The following NPRL3 variants were observed in gnomAD, a reference collection of about 807,000 sequenced individuals.
NPRL3 encodes NPR3 like, GATOR1 complex subunit.
A neutral mutation model predicts 57.2 loss-of-function variants in NPRL3; 23 were observed. The ratio of observed to expected loss-of-function variants is 0.40; its 90% CI spans 0.29 to 0.57. NPRL3 has a LOEUF of 0.57. Among genes scored for constraint, NPRL3 ranks in the 20% least tolerant of loss-of-function variants. The probability of loss-of-function intolerance (pLI) is 0.42; values close to 1 mark genes in which losing one functional copy is unlikely to be tolerated. For missense variants in NPRL3, 691 were observed against 767.1 expected (o/e 0.90, Z 1.17); for synonymous variants, 333 against 321.1 (o/e 1.04, Z -0.39).
rs953001376 is a variant in NPRL3 at position 111,455 on chromosome 16, TA to T, written c.548-850del. 2.0e-5 allele frequency among the ~76,000 whole-genome samples: 3 copies of T among 151,862 alleles called. 1 individual carries two copies. Among genetic ancestry groups the T allele is most frequent in the South Asian group, 4.1e-4 (2 of 4,824 alleles). ...AAAATTTATTTTATTTTTATTTATT[TA>T]TTTTTTTTTTGAGACAGGGTCTCAC... On this transcript the variant is annotated intron_variant, in intron 6 of 13. Transcript: ENST00000611875.
intron 1 of NPRL3, 131 bp downstream of exon 1, chr16:138,505 AGGGGTG>A (rs1901243760): frequency 3.4e-4 from 1 of 2,924 alleles, no homozygotes; most frequent in African/African-American, 2.0e-3. Flanking sequence ...TGAGGAGGGC[AGGGGTG>A]GAGGCGGAGG....
At chr16:100,605 T>A in intron 7 of NPRL3, 96 bp from the exon 8 acceptor site, 1 of 1,203,384 alleles carries the variant, frequency 8.3e-7, no homozygotes, top group Non-Finnish European at 1.1e-6. Context: ...ATTCCCCTGC[T>A]GCTTAGGGGA....
intron 6 of NPRL3, among the ~76,000 whole-genome samples, chr16:111,244 C>T (rs1899796067): frequency 6.6e-6 from 1 of 151,548 alleles, no homozygotes; most frequent in African/African-American, 2.4e-5. Flanking sequence ...ACTAAAAATA[C>T]AAAAAATTAG....
chr16:102,045 A>G (rs1458885775), intron 7 of NPRL3, among the ~76,000 whole-genome samples: 1 of 152,212 alleles, frequency 6.6e-6, no homozygotes, highest in Non-Finnish European at 1.5e-5. Flanking sequence ...TCCTGAATGA[A>G]GCCAAGGAAC....
chr16:91,466 A>T (rs931746965), intron 11 of NPRL3, among the ~76,000 whole-genome samples: 7 of 152,250 alleles, frequency 4.6e-5, no homozygotes, highest in Non-Finnish European at 7.3e-5. Context: ...CAAGGCCTGG[A>T]GCAACCACTC....
intron 12 of NPRL3, chr16:89,204 C>A: frequency 2.7e-6 from 1 of 375,910 alleles, no homozygotes; most frequent in South Asian, 4.9e-5. Context: ...GAGGACAAAG[C>A]ACCCTGGGCA....
intron 5 of NPRL3, among the ~76,000 whole-genome samples, chr16:113,936 G>C (rs540829291): frequency 6.6e-6 from 1 of 152,312 alleles, no homozygotes; most frequent in African/African-American, 2.4e-5. Flanking sequence ...GCCAGAGAAA[G>C]GACTGTTGCT....
chr16:110,693 G>A (rs1466546026), intron 6 of NPRL3, 87 bp from the exon 7 acceptor site: 19 of 1,057,046 alleles, frequency 1.8e-5, no homozygotes, highest in South Asian at 1.1e-4. Context: ...GATTACAGGC[G>A]CCCGCCACCA....
At chr16:130,458 TG>T in intron 3 of NPRL3, 63 bp downstream of exon 3, 1 of 1,464,030 alleles carries the variant, frequency 6.8e-7, no homozygotes, top group Non-Finnish European at 9.3e-7. Context: ...AATAGGAGGG[TG>T]GGGCTTTGCC....
intron 7 of NPRL3, among the ~76,000 whole-genome samples, chr16:103,234 C>T (rs953360433): frequency 2.0e-5 from 3 of 149,642 alleles, no homozygotes; most frequent in East Asian, 2.0e-4. Flanking sequence ...CTTGATCTCC[C>T]AGGCTCAAGA....
At chr16:128,767 CAA>C (rs907319487) in intron 3 of NPRL3, among the ~76,000 whole-genome samples, 1 of 140,348 alleles carries the variant, frequency 7.1e-6, no homozygotes. Context: ...GACTCCGTCT[CAA>C]AAAAAAAAAA....
At chr16:97,566 C>T (rs1444251571) in intron 9 of NPRL3, among the ~76,000 whole-genome samples, 2 of 152,060 alleles carry the variant, frequency 1.3e-5, no homozygotes, top group East Asian at 1.9e-4. Context: ...GATCCGCAGA[C>T]GAGGCTGAGG....
At chr16:106,405 G>T (rs1337454791) in intron 7 of NPRL3, among the ~76,000 whole-genome samples, 1 of 152,070 alleles carries the variant, frequency 6.6e-6, no homozygotes, top group Non-Finnish European at 1.5e-5. Context: ...GGCTAAGGTG[G>T]GTAGATTGCT....
intron 13 of NPRL3, among the ~76,000 whole-genome samples, chr16:87,621 G>A (rs879154685): frequency 2.0e-5 from 3 of 148,136 alleles, no homozygotes; most frequent in Non-Finnish European, 3.0e-5. Flanking sequence ...TGCAACTCCC[G>A]CCTTCCCGCC....
At chr16:92,927 C>T in intron 10 of NPRL3, 1 of 651,310 alleles carries the variant, frequency 1.5e-6, no homozygotes, top group East Asian at 2.7e-5. Flanking sequence ...GAGCCATGGG[C>T]ACAGTTCATC....
At chr16:106,526 C>A (rs1183980990) in intron 7 of NPRL3, among the ~76,000 whole-genome samples, 5 of 148,354 alleles carry the variant, frequency 3.4e-5, no homozygotes, top group Non-Finnish European at 7.4e-5. Flanking sequence ...CCCAGCTACT[C>A]GGGAGGCCGA....
chr16:105,450 C>A (rs1426249221), intron 7 of NPRL3, among the ~76,000 whole-genome samples: 6 of 152,118 alleles, frequency 3.9e-5, no homozygotes, highest in Admixed American at 3.9e-4. Flanking sequence ...AAACAGCCTA[C>A]CTTGAAATTT....
chr16:131,343 G>T (rs1027009748), intron 2 of NPRL3, among the ~76,000 whole-genome samples: 2 of 149,474 alleles, frequency 1.3e-5, no homozygotes, highest in East Asian at 3.9e-4. Flanking sequence ...GCCGGGCGTG[G>T]TGGTGGGTGC....
intron 11 of NPRL3, among the ~76,000 whole-genome samples, chr16:91,836 G>A (rs1477869763): frequency 6.6e-6 from 1 of 152,234 alleles, no homozygotes; most frequent in South Asian, 2.1e-4. Context: ...CTCCAACACC[G>A]TATCCTATCT....
Sources: allele counts gnomAD v4.1 joint callset (sites outside exome capture counted in the v4.1 genomes callset), GRCh38; gene constraint gnomAD v4.1.1; transcripts MANE v1.5; gene names NCBI Gene and HGNC (gene_info 2026-07-23, HGNC 2026-07-21).